The following R3HDM2 variants were observed in gnomAD, a reference collection of about 807,000 sequenced individuals.
R3HDM2 encodes R3H domain-containing protein 2.
Under a neutral mutation model 124.5 loss-of-function variants are expected in R3HDM2, and 38 were observed. That is an observed-to-expected ratio of 0.31 (90% CI 0.24 to 0.40). The LOEUF is 0.40. Among genes scored for constraint, R3HDM2 ranks in the 10% least tolerant of loss-of-function variants. R3HDM2 has a pLI of 1.00. For synonymous variants in R3HDM2, 391 were observed against 448.0 expected (o/e 0.87, Z 1.61); for missense variants, 869 against 1,236.9 (o/e 0.70, Z 4.46).
intron 2 of R3HDM2, among the ~76,000 whole-genome samples, chr12:57,373,063 A>G (rs1294061428): frequency 1.3e-5 from 2 of 152,140 alleles, no homozygotes; most frequent in Admixed American, 6.5e-5. Flanking sequence ...TTAGCTGGAC[A>G]TGGTGGCACG....
At chr12:57,367,964 AT>A (rs2062860229) in intron 2 of R3HDM2, among the ~76,000 whole-genome samples, 1 of 151,744 alleles carries the variant, frequency 6.6e-6, no homozygotes, top group Admixed American at 6.6e-5. Context: ...ATATTCAATA[AT>A]TCCAATACCT....
chr12:57,328,347 C>A (rs2057616276), intron 2 of R3HDM2, among the ~76,000 whole-genome samples: 1 of 152,076 alleles, frequency 6.6e-6, no homozygotes, highest in South Asian at 2.1e-4. Flanking sequence ...CTGGTGTGAG[C>A]CACCATGCCT....
At chr12:57,307,309 T>G (rs2052839698) in intron 3 of R3HDM2, among the ~76,000 whole-genome samples, 1 of 143,554 alleles carries the variant, frequency 7.0e-6, no homozygotes, top group South Asian at 2.1e-4. Flanking sequence ...ATGCTGGGTT[T>G]TTTTGTTGTT....
chr12:57,295,691 A>G (rs1042002495), intron 9 of R3HDM2, 184 bp from the exon 10 acceptor site: 17 of 563,420 alleles, frequency 3.0e-5, no homozygotes, highest in Non-Finnish European at 3.8e-5. Flanking sequence ...TTATACATCT[A>G]TAACTTCTCT....
chr12:57,268,652 G>A, intron 17 of R3HDM2, 195 bp from the exon 18 acceptor site: 1 of 710,186 alleles, frequency 1.4e-6, no homozygotes, highest in Non-Finnish European at 2.3e-6. Flanking sequence ...TACCACCCTT[G>A]GGCATCTGAC....
intron 1 of R3HDM2, among the ~76,000 whole-genome samples, chr12:57,424,468 T>A (rs1671168057): frequency 6.6e-6 from 1 of 152,032 alleles, no homozygotes; most frequent in Non-Finnish European, 1.5e-5. Context: ...GACCATATAT[T>A]TCAAATGTAC....
intron 2 of R3HDM2, among the ~76,000 whole-genome samples, chr12:57,356,794 T>C (rs998433057): frequency 2.6e-5 from 4 of 152,246 alleles, no homozygotes; most frequent in Admixed American, 2.0e-4. Context: ...GTGTCTTTCA[T>C]GAAATGTGTC....
At chr12:57,301,460 T>C (rs2051141333) in intron 4 of R3HDM2, among the ~76,000 whole-genome samples, 2 of 152,250 alleles carry the variant, frequency 1.3e-5, no homozygotes, top group Admixed American at 1.3e-4. Context: ...ACATCATGCC[T>C]AATTCTGTCA....
chr12:57,350,950 T>A (rs1489930134), intron 2 of R3HDM2, among the ~76,000 whole-genome samples: 1 of 151,962 alleles, frequency 6.6e-6, no homozygotes, highest in Non-Finnish European at 1.5e-5. Context: ...AATACAAAAA[T>A]TAGCTGGGCA....
intron 19 of R3HDM2, among the ~76,000 whole-genome samples, chr12:57,265,972 T>A (rs914149857): frequency 2.0e-5 from 3 of 152,080 alleles, no homozygotes; most frequent in South Asian, 4.1e-4. Context: ...AATTTTTGTA[T>A]TTTTAATAGA....
chr12:57,304,438 GA>G, intron 3 of R3HDM2: 1 of 893,748 alleles, frequency 1.1e-6, no homozygotes, highest in Non-Finnish European at 1.3e-6. Context: ...GAGGCAGGAG[GA>G]TAGGGGAGGG....
chr12:57,412,607 A>T lies in R3HDM2; in HGVS notation c.-105-16789T>A, dbSNP rs116914052. On this transcript the variant is annotated intron_variant, in intron 1 of 23. Coordinates refer to ENST00000402412, the MANE Select transcript of R3HDM2 (RefSeq NM_001394031.1). ...AGTATTAAAGGTCTGGGTTGAGAAG[A>T]TTCCCTACCTAAGAATATTTTAATT... 6.8e-3 allele frequency among the ~76,000 whole-genome samples: 1,031 copies of T among 152,314 alleles called. 3 individuals carry two copies. Among genetic ancestry groups the T allele is most frequent in the Middle Eastern group, 0.01 (3 of 294 alleles).
Position 57,280,442 on chromosome 12 carries a change from T to TTGC in R3HDM2, c.1257_1259dup (p.Gln427dup), listed in dbSNP as rs1350322096. On this transcript the variant is annotated inframe_insertion, in exon 14 of 24. Coordinates refer to ENST00000402412, the MANE Select transcript of R3HDM2 (RefSeq NM_001394031.1). Reference sequence around the variant, plus strand: ...GAAGTTGCTGCTGCTGCTGCTGCTGTTGCTGCTGGGCAGTACAAGGGAGAA... The same window carrying TTGC: ...GAAGTTGCTGCTGCTGCTGCTGCTGTTGCTGCTGCTGGGCAGTACAAGGGAGAA... 1.2e-6 allele frequency: 2 copies of TTGC among 1,613,714 alleles called. No individual in the cohort carries two copies. Among genetic ancestry groups the TTGC allele is most frequent in the Non-Finnish European group, 1.7e-6 (2 of 1,179,740 alleles).
rs1034106483 is a variant in R3HDM2, at chr12:57,258,001, C to A, written c.2438G>T (p.Gly813Val). 5 of 1,561,976 alleles carry A rather than the reference C, an allele frequency of 3.2e-6. No individual in the cohort carries two copies. Among genetic ancestry groups the A allele is most frequent in the African/African-American group, 2.7e-5 (2 of 74,242 alleles). Residue 813 changes from glycine to valine, a missense_variant, in exon 21 of 24, where the codon GGT becomes GTT. By Grantham distance (109) the Gly-to-Val change is moderately radical (BLOSUM62 -3). Around this residue, in one of 2 missense-constraint regions of R3HDM2, gnomAD observed 602 missense variants for 789.2 expected, o/e 0.76. Transcript: ENST00000402412. ...ATCTAACCCCCTACCCTGTGCTGGA[C>A]CCCCAGGCCGGGGGAACTGTGTGAG... ...PVLTQFPRPG[G>V]PAQGDGRYSL...
chr12:57,386,606 C>T (rs2065861700), intron 2 of R3HDM2, among the ~76,000 whole-genome samples: 1 of 152,220 alleles, frequency 6.6e-6, no homozygotes, highest in Non-Finnish European at 1.5e-5. Flanking sequence ...CCGCCCCCTG[C>T]TCCACCGCGC....
intron 1 of R3HDM2, among the ~76,000 whole-genome samples, chr12:57,406,309 G>A (rs545396892): frequency 5.5e-4 from 65 of 117,428 alleles, no homozygotes; most frequent in Non-Finnish European, 5.7e-4. Flanking sequence ...CAACAAGAGC[G>A]AAACTCCGTC....
intron 1 of R3HDM2, among the ~76,000 whole-genome samples, chr12:57,428,631 G>A (rs904559691): frequency 1.3e-4 from 20 of 151,762 alleles, no homozygotes; most frequent in Non-Finnish European, 1.5e-5. Flanking sequence ...CTCCACCCTG[G>A]GTGACATAGC....
intron 12 of R3HDM2, among the ~76,000 whole-genome samples, chr12:57,286,419 C>T (rs539685136): frequency 6.6e-6 from 1 of 152,254 alleles, no homozygotes; most frequent in Non-Finnish European, 1.5e-5. Flanking sequence ...CAAACATAAA[C>T]TGGGCCAGAA....
chr12:57,311,987 T>C (rs914825035), intron 2 of R3HDM2, among the ~76,000 whole-genome samples: 1 of 152,224 alleles, frequency 6.6e-6, no homozygotes, highest in African/African-American at 2.4e-5. Context: ...AAGTCAAACA[T>C]GTTTAGCTAC....
Sources: allele counts gnomAD v4.1 joint callset (sites outside exome capture counted in the v4.1 genomes callset), GRCh38; gene constraint gnomAD v4.1.1; regional missense constraint gnomAD v4.1.1; transcripts MANE v1.5; gene names NCBI Gene and HGNC (gene_info 2026-07-23, HGNC 2026-07-21).